Variants in PLAC1 observed in about 807,000 individuals in gnomAD.
PLAC1 encodes the protein placenta associated 1, also known as placenta-specific protein 1.
For synonymous variants in PLAC1, 68 were observed against 62.1 expected (o/e 1.09, Z -0.44); for missense variants, 136 against 163.2 (o/e 0.83, Z 0.91).
chrX:134,703,322 T>A (rs914462482), intron 2 of PLAC1, among the ~76,000 whole-genome samples: 1 of 111,526 alleles, frequency 9.0e-6, no homozygotes, highest in African/African-American at 3.3e-5. Context: ...CATTAAAAAA[T>A]AGACTGACAA....
At chrX:134,617,640 G>C (rs1401204284) in intron 1 of PLAC1, among the ~76,000 whole-genome samples, 1 of 111,645 alleles carries the variant, frequency 9.0e-6, no homozygotes, top group East Asian at 2.8e-4. Flanking sequence ...TGACTGATGT[G>C]TGTATGTTAA....
intron 1 of PLAC1, among the ~76,000 whole-genome samples, chrX:134,633,423 A>G (rs1367546340): frequency 8.9e-6 from 1 of 112,094 alleles, no homozygotes; most frequent in Non-Finnish European, 1.9e-5. Context: ...GGGTTCCAGT[A>G]GGCGTATAGT....
intron 2 of PLAC1, among the ~76,000 whole-genome samples, chrX:134,589,310 C>A (rs2078022826): frequency 5.4e-5 from 6 of 111,263 alleles, no homozygotes; most frequent in Admixed American, 3.8e-4. Context: ...TCCATCAACC[C>A]CTGGGCTCTA....
upstream of PLAC1, among the ~76,000 whole-genome samples, chrX:134,659,856 T>A (rs976458460): frequency 9.0e-6 from 1 of 111,651 alleles, no homozygotes; most frequent in Non-Finnish European, 1.9e-5. Flanking sequence ...AGAGATTAAA[T>A]AACTTACCTA....
intron 2 of PLAC1, among the ~76,000 whole-genome samples, chrX:134,709,364 G>A (rs919602530): frequency 2.1e-4 from 24 of 112,406 alleles, no homozygotes; most frequent in Non-Finnish European, 3.4e-4. Context: ...AGTGGCTCAC[G>A]CCTATAATCT....
At chrX:134,710,359 G>A (rs780382825) in intron 2 of PLAC1, among the ~76,000 whole-genome samples, 3 of 111,800 alleles carry the variant, frequency 2.7e-5, no homozygotes, top group African/African-American at 9.7e-5. Context: ...GCTCATAAAC[G>A]ACTTATGGGA....
At chrX:134,664,676 T>C (rs1353611371) in intron 2 of PLAC1, among the ~76,000 whole-genome samples, 4 of 112,034 alleles carry the variant, frequency 3.6e-5, no homozygotes, top group Non-Finnish European at 7.5e-5. Context: ...GATGAGGACG[T>C]TGACATTTTG....
chrX:134,628,419 C>A lies in PLAC1; in HGVS notation c.-130-26297G>T, dbSNP rs147901273. Among the ~76,000 whole-genome samples the A allele has an allele frequency of 2.7e-5, 3 of 112,001 alleles. No homozygotes were observed. In the East Asian group the frequency reaches 8.4e-4, roughly 31 times the overall value. ...CTATATACTTTGATTATATGACATC[C>A]CTTCTATGCCTTCATCTTCCCCAAC... On this transcript the variant is annotated intron_variant, in intron 1 of 2. Transcript: ENST00000359237.
At chrX:134,584,464 G>A (rs778566560) in intron 2 of PLAC1, among the ~76,000 whole-genome samples, 1 of 111,835 alleles carries the variant, frequency 8.9e-6, no homozygotes, top group South Asian at 3.9e-4. Flanking sequence ...AGATTTTGAC[G>A]TGAAGGATTT....
intron 1 of PLAC1, among the ~76,000 whole-genome samples, chrX:134,629,576 A>G (rs934538868): frequency 1.8e-5 from 2 of 111,959 alleles, no homozygotes; most frequent in African/African-American, 6.5e-5. Flanking sequence ...TCTTTAAAAC[A>G]GTGGAACAAC....
intron 2 of PLAC1, among the ~76,000 whole-genome samples, chrX:134,715,376 G>A (rs867112966): frequency 9.9e-5 from 11 of 110,784 alleles, no homozygotes; most frequent in African/African-American, 3.3e-4. Flanking sequence ...TAGAGCTGGC[G>A]TTAAACACTG....
At chrX:134,759,942 G>A (rs781371778) in intron 1 of PLAC1, among the ~76,000 whole-genome samples, 17 of 110,788 alleles carry the variant, frequency 1.5e-4, no homozygotes, top group Non-Finnish European at 3.0e-4. Context: ...GGAGGAGGAT[G>A]AAAAAAAGTG....
At chrX:134,656,738 C>T (rs781550565) in intron 1 of PLAC1, among the ~76,000 whole-genome samples, 4 of 111,076 alleles carry the variant, frequency 3.6e-5, no homozygotes, top group East Asian at 5.7e-4. Flanking sequence ...GTGTGCCCCA[C>T]CAAGCCTGGA....
At chrX:134,646,243 C>G (rs1400405415) in intron 1 of PLAC1, among the ~76,000 whole-genome samples, 3 of 111,896 alleles carry the variant, frequency 2.7e-5, no homozygotes, top group African/African-American at 9.8e-5. Context: ...TTGGACTCAT[C>G]ATTTCCCAGT....
intron 2 of PLAC1, among the ~76,000 whole-genome samples, chrX:134,672,049 G>C (rs1022484815): frequency 2.7e-5 from 3 of 111,564 alleles, no homozygotes; most frequent in African/African-American, 9.8e-5. Context: ...ATCCACTGCT[G>C]TATCCCCAGT....
intron 2 of PLAC1, among the ~76,000 whole-genome samples, chrX:134,687,536 G>C (rs1221540972): frequency 1.8e-5 from 2 of 108,943 alleles, no homozygotes; most frequent in Non-Finnish European, 3.8e-5. Flanking sequence ...GTCTGCCTTA[G>C]GGGGCAGATG....
intron 2 of PLAC1, among the ~76,000 whole-genome samples, chrX:134,718,654 G>A (rs2078649767): frequency 1.8e-5 from 2 of 112,257 alleles, no homozygotes; most frequent in Non-Finnish European, 3.8e-5. Flanking sequence ...CCCGCCTGGA[G>A]GGAAGAGATC....
chrX:134,748,330 CAAAA>C (rs748380889), intron 1 of PLAC1, among the ~76,000 whole-genome samples: 1 of 48,169 alleles, frequency 2.1e-5, no homozygotes, highest in African/African-American at 7.7e-5. Flanking sequence ...GACTCCATCT[CAAAA>C]AAAAAAAAAA....
intron 1 of PLAC1, among the ~76,000 whole-genome samples, chrX:134,751,515 C>T (rs987105134): frequency 7.2e-5 from 8 of 111,653 alleles, no homozygotes; most frequent in African/African-American, 1.6e-4. Flanking sequence ...ATCTGACTTC[C>T]GACCTTCTCG....
Sources: allele counts gnomAD v4.1 joint callset (sites outside exome capture counted in the v4.1 genomes callset), GRCh38; gene constraint gnomAD v4.1.1; transcripts MANE v1.5; gene names NCBI Gene and HGNC (gene_info 2026-07-23, HGNC 2026-07-21).